Variants in HOXA5 observed in about 807,000 individuals in gnomAD.
HOXA5 encodes homeobox A5, also known as homeobox protein Hox-A5.
Under a neutral mutation model 20.0 loss-of-function variants are expected in HOXA5, and 12 were observed. The observed-to-expected ratio is 0.60, with a 90% CI of 0.38 to 0.97. The LOEUF (loss-of-function observed/expected upper bound fraction) is 0.97. HOXA5 is among the 50% of genes least tolerant of loss of function. The pLI is 0.00. For synonymous variants in HOXA5, 159 were observed against 157.7 expected (o/e 1.01, Z -0.06); for missense variants, 352 against 380.3 (o/e 0.93, Z 0.62).
intron 1 of HOXA5, 112 bp downstream of exon 1, chr7:27,142,934 G>A (rs1782625336): frequency 9.7e-7 from 1 of 1,031,842 alleles, no homozygotes. Context: ...GAGCTCCGCA[G>A]GGCTGGGAGA....
Position 27,143,055 on chromosome 7 carries a change from T to C in HOXA5, c.553A>G (p.Ile185Val), listed in dbSNP as rs1294497866. The C allele has an allele frequency of 1.3e-6, 2 of 1,527,888 alleles. No homozygotes were observed. The highest frequency in any genetic ancestry group is 2.3e-5 in the East Asian group (1 of 42,802). 94.6% of individuals were successfully genotyped at this position (1,527,888 alleles called of 1,614,324 possible). A position where few individuals can be genotyped will look rare whatever the true frequency, so the allele number is the denominator to read the frequency against. ...AAAAGGCTGGCTTTACCATGACTTA[T>C]GTGCAGCTTGCGCATCCAGGGGTAG... ...QIYPWMRKLH[I>V]SHDNIGGPEG... The change falls in exon 1 of 2, where the codon ATA (isoleucine) becomes GTA (valine). Residue 185 changes from isoleucine (I) to valine (V), a missense_variant. Physicochemically the swap from Ile to Val is conservative, Grantham distance 29 (BLOSUM62 3). Coordinates refer to ENST00000222726, the MANE Select transcript of HOXA5 (RefSeq NM_019102.4).
rs1381385538 is a variant in HOXA5 at position 27,141,694 on chromosome 7, CT to C, written c.*140del. On this transcript the variant is annotated 3_prime_UTR_variant, in exon 2 of 2. Transcript: ENST00000222726. ...AGGCGCTATAATGGCAATAAACAGGCTCATGATTAAAAGATGAATTAGGGCA... is the reference window on the plus strand; with the variant it reads ...AGGCGCTATAATGGCAATAAACAGGCCATGATTAAAAGATGAATTAGGGCA... 1.7e-5 allele frequency: 17 copies of C among 1,023,368 alleles called. No individual in the cohort carries two copies. The East Asian group carries it at 4.2e-4, about 25-fold the overall frequency. The allele number at this position is 1,023,368 out of a possible 1,614,324, so 63.4% of individuals were successfully genotyped here.
At chr7:27,142,498 C>T (rs1426573858) in intron 1 of HOXA5, among the ~76,000 whole-genome samples, 1 of 152,220 alleles carries the variant, frequency 6.6e-6, no homozygotes, top group Non-Finnish European at 1.5e-5. Context: ...AGAGCCGCCT[C>T]CCGTTTCCAG....
At position 27,143,216 on chromosome 7, in the gene HOXA5, T is replaced by C; in HGVS notation, c.392A>G (p.Asp131Gly). ...SLSNSSGASA[D>G]AGSTHISSRE... ...GCTGCTGATGTGGGTGCTGCCGGCG[T>C]CGGCCGAGGCGCCGCTGGAGTTGCT... The change falls in exon 1 of 2, where the codon GAC becomes GGC. Residue 131 changes from aspartate to glycine, a missense_variant. Physicochemically the swap from Asp to Gly is moderately conservative, Grantham distance 94 (BLOSUM62 -1). This residue lies in a region of HOXA5 where 319 missense variants were observed against 336.5 expected (regional missense o/e 0.95). Transcript: ENST00000222726. 2 of 1,610,338 alleles carry C rather than the reference T, an allele frequency of 1.2e-6. No individual in the cohort carries two copies. Among genetic ancestry groups the C allele is most frequent in the Non-Finnish European group, 1.7e-6 (2 of 1,178,936 alleles).
chr7:27,141,948 G>C lies in HOXA5; in HGVS notation c.700C>G (p.Leu234Val), dbSNP rs755766538. ...CAGATTTTAATTTGTCTCTCGGAGA[G>C]GCAAAGAGCATGTGCTATTTCAATC... ...RRIEIAHALC[L>V]SERQIKIWFQ... The change falls in exon 2 of 2, where the codon CTC becomes GTC. Residue 234 changes from leucine (L) to valine (V), a missense_variant. Leu to Val is a conservative substitution (Grantham distance 32). Coordinates refer to ENST00000222726, the MANE Select transcript of HOXA5 (RefSeq NM_019102.4). 9 of 1,614,204 alleles carry C rather than the reference G, an allele frequency of 5.6e-6. No homozygotes were observed. The highest frequency in any genetic ancestry group is 7.6e-6 in the Non-Finnish European group (9 of 1,180,034).
At chr7:27,142,508 G>T (rs192534564) in intron 1 of HOXA5, among the ~76,000 whole-genome samples, 1 of 152,254 alleles carries the variant, frequency 6.6e-6, no homozygotes, top group East Asian at 1.9e-4. Context: ...CCCGTTTCCA[G>T]CCTGCAGGGT....
At chr7:27,142,313 G>A (rs773706067) in intron 1 of HOXA5, among the ~76,000 whole-genome samples, 5 of 152,188 alleles carry the variant, frequency 3.3e-5, no homozygotes, top group Non-Finnish European at 5.9e-5. Flanking sequence ...GCCGTGTCCC[G>A]GCGGACTCCG....
intron 1 of HOXA5, among the ~76,000 whole-genome samples, chr7:27,142,511 T>A (rs1782605538): frequency 6.6e-6 from 1 of 152,136 alleles, no homozygotes; most frequent in South Asian, 2.1e-4. Flanking sequence ...GTTTCCAGCC[T>A]GCAGGGTTGG....
In HOXA5 at chr7:27,143,510, T is replaced by C; in HGVS notation, c.98A>G (p.Gln33Arg). ...NYGDHSSVSE[Q>R]FRDSASMHSG... ...GTGCATGCTCGCCGAGTCCCTGAAT[T>C]GCTCGCTCACGGAACTATGATCTCC... Residue 33 changes from glutamine (Q) to arginine (R), a missense_variant, in exon 1 of 2, where the codon CAA becomes CGA. Transcript: ENST00000222726. 6.2e-7 allele frequency: 1 copy of C among 1,613,796 alleles called. No homozygotes were observed.
intron 1 of HOXA5, chr7:27,142,694 C>T: frequency 3.4e-6 from 1 of 291,282 alleles, no homozygotes; most frequent in East Asian, 6.0e-5. Context: ...CCGTGACAAG[C>T]CCGATTCACG....
At position 27,141,113 on chromosome 7, in the gene HOXA5, C is replaced by CAAAAAAAAAAAAAAAAAAAA. The variant is rs147485948; in HGVS notation, c.*702_*721dup. The CAAAAAAAAAAAAAAAAAAAA allele has an allele frequency of 1.2e-5, 1 of 82,916 alleles. No homozygotes were observed. The highest frequency in any genetic ancestry group is 4.9e-5 in the African/African-American group (1 of 20,386). The allele number at this position is 82,916 out of a possible 1,614,324, so 5.1% of individuals were successfully genotyped here. On this transcript the variant is annotated 3_prime_UTR_variant, in exon 2 of 2. Coordinates refer to ENST00000222726, the MANE Select transcript of HOXA5 (RefSeq NM_019102.4). ...AGTATTTTTTCCTTAAAAACAAATA[C>CAAAAAAAAAAAAAAAAAAAA]AAAAAAAAAAAAAAAAAAAAAAAAG...
chr7:27,143,577 C>A lies in HOXA5; in HGVS notation c.31G>T (p.Gly11Cys), dbSNP rs1395521067. 1.3e-6 allele frequency: 2 copies of A among 1,599,990 alleles called. No homozygotes were observed. The highest frequency in any genetic ancestry group is 2.2e-5 in the East Asian group (1 of 44,456). ...TAGTCCGGGCCATTTGGATAGCGAC[C>A]GCAAAATGAGTTTACAAAATAAGAG... The part of the protein sequence containing the change: MSSYFVNSFC[G>C]RYPNGPDYQL... The change falls in exon 1 of 2, where the codon GGT becomes TGT. Residue 11 changes from glycine (G) to cysteine (C), a missense_variant. Gly to Cys is a radical substitution (Grantham distance 159, BLOSUM62 -3). This residue lies in a region of HOXA5 where 319 missense variants were observed against 336.5 expected (regional missense o/e 0.95). Coordinates refer to ENST00000222726, the MANE Select transcript of HOXA5 (RefSeq NM_019102.4).
In HOXA5 at chr7:27,143,199, TGTG is replaced by T; in HGVS notation, c.406_408del (p.His136del). On this transcript the variant is annotated inframe_deletion, in exon 1 of 2. Transcript: ENST00000222726. ...GTGCCAACCCCCTCTCTGCTGCTGA[TGTG>T]GGTGCTGCCGGCGTCGGCCGAGGCG... is the stretch of plus-strand genomic sequence containing the variant. 2 of 1,611,184 alleles carry T rather than the reference TGTG, an allele frequency of 1.2e-6. No individual in the cohort carries two copies. The highest frequency in any genetic ancestry group is 8.5e-7 in the Non-Finnish European group (1 of 1,179,128).
rs200819149 is a variant in HOXA5, at chr7:27,143,414, C to A, written c.194G>T (p.Gly65Val). The A allele has an allele frequency of 2.5e-6, 4 of 1,611,668 alleles. No individual in the cohort carries two copies. Among genetic ancestry groups the A allele is most frequent in the Non-Finnish European group, 3.4e-6 (4 of 1,179,494 alleles). The change falls in exon 1 of 2, where the codon GGC becomes GTC. Residue 65 changes from glycine to valine, a missense_variant. Coordinates refer to ENST00000222726, the MANE Select transcript of HOXA5 (RefSeq NM_019102.4). ...SVGRSGSGHF[G>V]SGERARSYAA... The stretch of plus-strand genomic sequence containing the variant: ...GTAGCTGCGGGCGCGCTCTCCGGAG[C>A]CAAAGTGGCCGGAGCCCGAGCGGCC...
chr7:27,143,060 A>T lies in HOXA5; in HGVS notation c.548T>A (p.Leu183Gln). 6.5e-7 allele frequency: 1 copy of T among 1,530,088 alleles called. No individual in the cohort carries two copies. Among genetic ancestry groups the T allele is most frequent in the Non-Finnish European group, 8.7e-7 (1 of 1,144,898 alleles). 94.8% of individuals were successfully genotyped at this position (1,530,088 alleles called of 1,614,324 possible). ...QPQIYPWMRK[L>Q]HISHDNIGGP... ...GCTGGCTTTACCATGACTTATGTGC[A>T]GCTTGCGCATCCAGGGGTAGATCTG... Residue 183 changes from leucine (L) to glutamine (Q), a missense_variant, in exon 1 of 2, where the codon CTG (leucine) becomes CAG (glutamine). Physicochemically the swap from Leu to Gln is moderately radical, Grantham distance 113 (BLOSUM62 -2). Around this residue, in one of 3 missense-constraint regions of HOXA5, gnomAD observed 319 missense variants for 336.5 expected, o/e 0.95. Transcript: ENST00000222726.
Position 27,143,630 on chromosome 7 carries a change from G to T in HOXA5, c.-23C>A. On this transcript the variant is annotated 5_prime_UTR_variant, in exon 1 of 2. Coordinates refer to ENST00000222726, the MANE Select transcript of HOXA5 (RefSeq NM_019102.4). ...CATTTGTTTTTTGATATGTGTGCTT[G>T]ATTTGTGGCTCGCGGTCGTTTGTGC... The T allele has an allele frequency of 1.3e-6, 2 of 1,570,652 alleles. No individual in the cohort carries two copies. Among genetic ancestry groups the T allele is most frequent in the South Asian group, 2.4e-5 (2 of 84,850 alleles).
chr7:27,142,222 C>T (rs1782597008), intron 1 of HOXA5, 137 bp from the exon 2 acceptor site: 7 of 848,360 alleles, frequency 8.3e-6, no homozygotes, highest in South Asian at 1.8e-5. Flanking sequence ...ACACCCCTCC[C>T]GAATTTCCTT....
At position 27,143,155 on chromosome 7, in the gene HOXA5, C is replaced by T; in HGVS notation, c.453G>A (p.Glu151=). 1 of 1,609,714 alleles carries T rather than the reference C, an allele frequency of 6.2e-7. No individual in the cohort carries two copies. Among genetic ancestry groups the T allele is most frequent in the Non-Finnish European group, 8.5e-7 (1 of 1,178,668 alleles). ...EGVGTASGAE[E]DAPASSEQAS... is the part of the protein sequence containing the mutation. ...CCTGCTCGCTGCTGGCAGGGGCGTC[C>T]TCCTCGGCTCCGGACGCCGTGCCAA... Residue 151 remains glutamate (E), a synonymous_variant, in exon 1 of 2, where the codon GAG becomes GAA. Coordinates refer to ENST00000222726, the MANE Select transcript of HOXA5 (RefSeq NM_019102.4).
Position 27,141,925 on chromosome 7 carries a change from G to T in HOXA5, c.723C>A (p.Ile241=), listed in dbSNP as rs1782584562. 1 of 1,614,112 alleles carries T rather than the reference G, an allele frequency of 6.2e-7. No homozygotes were observed. Among genetic ancestry groups the T allele is most frequent in the South Asian group, 1.1e-5 (1 of 91,092 alleles). The change falls in exon 2 of 2, where the codon ATC becomes ATA. Residue 241 remains isoleucine (I), a synonymous_variant. Coordinates refer to ENST00000222726, the MANE Select transcript of HOXA5 (RefSeq NM_019102.4). The part of the protein sequence containing the change: ...ALCLSERQIK[I]WFQNRRMKWK... ...ACTTCATTCTCCGGTTTTGGAACCAGATTTTAATTTGTCTCTCGGAGAGGC... is the reference window on the plus strand; with the variant it reads ...ACTTCATTCTCCGGTTTTGGAACCATATTTTAATTTGTCTCTCGGAGAGGC...
Sources: allele counts gnomAD v4.1 joint callset (sites outside exome capture counted in the v4.1 genomes callset), GRCh38; gene constraint gnomAD v4.1.1; regional missense constraint gnomAD v4.1.1; transcripts MANE v1.5; gene names NCBI Gene and HGNC (gene_info 2026-07-23, HGNC 2026-07-21).